Variants in ADRA1B observed in about 807,000 individuals in gnomAD.
ADRA1B encodes the protein alpha-1B adrenergic receptor.
A neutral mutation model predicts 17.9 loss-of-function variants in ADRA1B; 17 were observed. That is an observed-to-expected ratio of 0.95 (90% CI 0.65 to 1.42). The LOEUF (loss-of-function observed/expected upper bound fraction) is 1.42. Ranked by LOEUF, ADRA1B falls within the 40% of genes most tolerant of loss-of-function variation. ADRA1B has a pLI of 0.00. For synonymous variants in ADRA1B, 366 were observed against 327.6 expected, an observed-to-expected ratio of 1.12 and a Z score of -1.27; for missense variants, 681 against 722.1, an observed-to-expected ratio of 0.94 and a Z score of 0.65.
At chr5:159,939,521 C>A (rs1342628486) in intron 1 of ADRA1B, among the ~76,000 whole-genome samples, 1 of 152,102 alleles carries the variant, frequency 6.6e-6, no homozygotes, top group Non-Finnish European at 1.5e-5. Context: ...CTAACCTACC[C>A]CATCTCCCAA....
the ADRA1B span, among the ~76,000 whole-genome samples, chr5:159,982,606 G>T: frequency 6.6e-6 from 1 of 152,068 alleles, no homozygotes; most frequent in Non-Finnish European, 1.5e-5. Context: ...GAGTCATGCA[G>T]CCAACCAACC....
At chr5:159,875,550 G>A (rs1194399186) in intron 1 of ADRA1B, among the ~76,000 whole-genome samples, 2 of 152,170 alleles carry the variant, frequency 1.3e-5, no homozygotes, top group Non-Finnish European at 2.9e-5. Context: ...TTTCTAAATT[G>A]AGAGAGTCCA....
At chr5:159,926,491 G>A (rs150342686) in intron 1 of ADRA1B, among the ~76,000 whole-genome samples, 19 of 152,258 alleles carry the variant, frequency 1.2e-4, no homozygotes, top group South Asian at 4.1e-4. Flanking sequence ...AATAAAAATA[G>A]CAATGACCAA....
chr5:159,866,083 A>G (rs1330031209), intron 1 of ADRA1B, among the ~76,000 whole-genome samples: 1 of 152,168 alleles, frequency 6.6e-6, no homozygotes, highest in Non-Finnish European at 1.5e-5. Context: ...AGTTCTAAAG[A>G]TACGGACAAG....
intron 1 of ADRA1B, among the ~76,000 whole-genome samples, chr5:159,967,797 T>C (rs1236167055): frequency 2.0e-5 from 3 of 152,102 alleles, no homozygotes; most frequent in Non-Finnish European, 4.4e-5. Context: ...ATGAGAAAAG[T>C]TGGCATCACC....
At chr5:159,939,352 G>C (rs1472430120) in intron 1 of ADRA1B, among the ~76,000 whole-genome samples, 2 of 147,432 alleles carry the variant, frequency 1.4e-5, no homozygotes, top group Non-Finnish European at 3.0e-5. Flanking sequence ...ATGCACTGAG[G>C]ATAGTTCAGC....
At chr5:159,957,380 C>T (rs1040275468) in intron 1 of ADRA1B, among the ~76,000 whole-genome samples, 1 of 151,576 alleles carries the variant, frequency 6.6e-6, no homozygotes, top group Non-Finnish European at 1.5e-5. Context: ...ATTGTGCGCA[C>T]CTTTAGTTCA....
In ADRA1B at chr5:159,962,551, G is replaced by C. The variant is rs181581250; in HGVS notation, c.950-9328G>C. On this transcript the variant is annotated intron_variant, in intron 1 of 1. Coordinates refer to ENST00000306675, the MANE Select transcript of ADRA1B (RefSeq NM_000679.4). The stretch of plus-strand genomic sequence containing the variant: ...ACCCATTTCTTCATCTGTAAAATAG[G>C]GATAATCCCACCCTGCTCAGGGAGC... 4.4e-4 allele frequency among the ~76,000 whole-genome samples: 67 copies of C among 152,188 alleles called. No homozygotes were observed. In the East Asian group the frequency reaches 7.5e-3, roughly 17 times the overall value.
chr5:159,886,955 C>CCTTCAAAGACAATGATATTGA (rs1753931978), intron 1 of ADRA1B, among the ~76,000 whole-genome samples: 1 of 151,938 alleles, frequency 6.6e-6, no homozygotes, highest in South Asian at 2.1e-4. Context: ...ATGCTCAGTG[C>CCTTCAAAGACAATGATATTGA]CTTCAAAGAC....
downstream of ADRA1B, among the ~76,000 whole-genome samples, chr5:159,976,882 C>A (rs1190619303): frequency 6.6e-6 from 1 of 152,106 alleles, no homozygotes; most frequent in Non-Finnish European, 1.5e-5. Flanking sequence ...GGATTCAAGG[C>A]CCAGCTCTCC....
rs758021350 is a variant in ADRA1B at position 159,972,040 on chromosome 5, G to GGCCGCC, written c.1116_1121dup (p.Arg379_Arg380dup). The GGCCGCC allele has an allele frequency of 1.0e-5, 14 of 1,378,308 alleles. No homozygotes were observed. Among genetic ancestry groups the GGCCGCC allele is most frequent in the East Asian group, 2.9e-5 (1 of 33,922 alleles). 85.4% of individuals were successfully genotyped at this position (1,378,308 alleles called of 1,614,324 possible). A position where few individuals can be genotyped will look rare whatever the true frequency, so the allele number is the denominator to read the frequency against. On this transcript the variant is annotated inframe_insertion, in exon 2 of 2. Coordinates refer to ENST00000306675, the MANE Select transcript of ADRA1B (RefSeq NM_000679.4). ...CCTCGGGTGCCAGTGCCGCGGCCGC[G>GGCCGCC]GCCGCCGCCGACGCCGCCGCCGCCG...
At chr5:159,916,261 TGA>T (rs1346502278), upstream of ADRA1B, 1 of 150,934 alleles carries the variant, frequency 6.6e-6, no homozygotes, top group African/African-American at 2.4e-5. Flanking sequence ...TAGGGGTGGG[TGA>T]CCCGCGATCT....
chr5:159,917,340 C>A lies in ADRA1B; in HGVS notation c.435C>A (p.Ile145=), dbSNP rs768004711. The change falls in exon 1 of 2, where the codon ATC becomes ATA. Residue 145 remains isoleucine, a synonymous_variant. Transcript: ENST00000306675. ...GCGCCATCTCCATCGATCGCTACATCGGGGTGCGCTACTCTCTGCAGTATC... is the reference window on the plus strand; with the variant it reads ...GCGCCATCTCCATCGATCGCTACATAGGGGTGCGCTACTCTCTGCAGTATC... ...SLCAISIDRY[I]GVRYSLQYPT... is the part of the protein sequence containing the mutation. 259 of 1,613,906 alleles carry A rather than the reference C, an allele frequency of 1.6e-4. No individual in the cohort carries two copies. The highest frequency in any genetic ancestry group is 2.1e-4 in the Non-Finnish European group (250 of 1,180,012).
intron 1 of ADRA1B, among the ~76,000 whole-genome samples, chr5:159,942,000 G>T (rs1421951408): frequency 1.4e-5 from 2 of 145,844 alleles, no homozygotes; most frequent in Non-Finnish European, 3.0e-5. Context: ...TTGGCTCACT[G>T]CAAGCTCCAA....
At chr5:159,919,443 C>T (rs1182514697) in intron 1 of ADRA1B, among the ~76,000 whole-genome samples, 2 of 152,202 alleles carry the variant, frequency 1.3e-5, no homozygotes, top group African/African-American at 2.4e-5. Context: ...GGCCAAATGA[C>T]CACTCCTGTA....
downstream of ADRA1B, among the ~76,000 whole-genome samples, chr5:159,975,328 G>A (rs772931810): frequency 9.2e-5 from 14 of 152,154 alleles, no homozygotes; most frequent in Non-Finnish European, 1.9e-4. Context: ...GTAAGCAAAT[G>A]GAATTTGGAG....
intron 1 of ADRA1B, among the ~76,000 whole-genome samples, chr5:159,931,110 C>G (rs1315161296): frequency 6.6e-6 from 1 of 150,506 alleles, no homozygotes; most frequent in South Asian, 2.1e-4. Context: ...TTGGCCCATG[C>G]TGGGAGCAGT....
At chr5:159,937,408 C>T (rs1209797439) in intron 1 of ADRA1B, among the ~76,000 whole-genome samples, 2 of 151,972 alleles carry the variant, frequency 1.3e-5, no homozygotes, top group African/African-American at 2.4e-5. Flanking sequence ...GAATCTCAGT[C>T]GGCCTCATGC....
intron 1 of ADRA1B, among the ~76,000 whole-genome samples, chr5:159,919,359 G>C (rs1754415011): frequency 6.6e-6 from 1 of 152,146 alleles, no homozygotes; most frequent in Non-Finnish European, 1.5e-5. Flanking sequence ...ACACTGCATT[G>C]GGTCATTACA....
Sources: allele counts gnomAD v4.1 joint callset (sites outside exome capture counted in the v4.1 genomes callset), GRCh38; gene constraint gnomAD v4.1.1; transcripts MANE v1.5; gene names NCBI Gene and HGNC (gene_info 2026-07-23, HGNC 2026-07-21).